The following AUTS2 variants were observed in gnomAD, a reference collection of about 807,000 sequenced individuals.
AUTS2 encodes the protein autism susceptibility gene 2 protein.
In AUTS2, 17 loss-of-function variants were observed where a neutral mutation model predicts 112.4. The observed-to-expected ratio is 0.15, with a 90% confidence interval of 0.10 to 0.23. AUTS2 has a LOEUF of 0.23. AUTS2 is among the 10% of genes least tolerant of loss of function. AUTS2 has a pLI of 1.00. For synonymous variants in AUTS2, 751 were observed against 702.7 expected (o/e 1.07, Z -1.09); for missense variants, 1,510 against 1,701.6 (o/e 0.89, Z 1.98).
chr7:70,362,735 A>G (rs1044136481), intron 4 of AUTS2, among the ~76,000 whole-genome samples: 2 of 152,036 alleles, frequency 1.3e-5, no homozygotes, highest in Non-Finnish European at 2.9e-5. Context: ...AAATATCAAC[A>G]TTGTACATTC....
Position 70,515,837 on chromosome 7 carries a change from C to A in AUTS2, c.690+80056C>A, listed in dbSNP as rs370723987. On this transcript the variant is annotated intron_variant, in intron 5 of 18. Coordinates refer to ENST00000342771, the MANE Select transcript of AUTS2 (RefSeq NM_015570.4). ...TGTTAAGAGGAAACTGTTAAGAGAC[C>A]AGTTTCTGACAGGCAATGCATTTTA... Among the ~76,000 whole-genome samples the A allele has an allele frequency of 5.7e-4, 87 of 152,088 alleles. No individual in the cohort carries two copies. The East Asian group carries it at 9.7e-3, about 17-fold the overall frequency.
intron 2 of AUTS2, among the ~76,000 whole-genome samples, chr7:70,048,313 A>G (rs1289074485): frequency 2.0e-5 from 3 of 152,176 alleles, no homozygotes; most frequent in Non-Finnish European, 2.9e-5. Flanking sequence ...TTTGCAAGGC[A>G]TGGCTCCTCT....
intron 1 of AUTS2, among the ~76,000 whole-genome samples, chr7:69,669,808 G>A (rs1010567089): frequency 4.0e-5 from 6 of 151,788 alleles, no homozygotes; most frequent in Admixed American, 2.6e-4. Context: ...CTTCATACTC[G>A]ATTGTTCTCT....
intron 4 of AUTS2, among the ~76,000 whole-genome samples, chr7:70,229,695 G>C (rs148154878): frequency 3.7e-4 from 57 of 152,070 alleles, no homozygotes; most frequent in African/African-American, 1.3e-3. Context: ...TCTCCATTAT[G>C]TGTGTGTTTG....
At chr7:70,767,103 TAG>T (rs1456954537) in intron 9 of AUTS2, among the ~76,000 whole-genome samples, 2 of 152,288 alleles carry the variant, frequency 1.3e-5, no homozygotes, top group African/African-American at 2.4e-5. Context: ...CAGTGAGTAT[TAG>T]AGTCATTTTT....
chr7:70,506,677 G>A (rs929514601), intron 5 of AUTS2, among the ~76,000 whole-genome samples: 1 of 152,204 alleles, frequency 6.6e-6, no homozygotes, highest in Non-Finnish European at 1.5e-5. Flanking sequence ...CTCTGGAGAG[G>A]GCAGCCAGCA....
At chr7:70,034,531 T>C (rs972850114) in intron 2 of AUTS2, among the ~76,000 whole-genome samples, 6 of 152,228 alleles carry the variant, frequency 3.9e-5, no homozygotes, top group African/African-American at 1.4e-4. Flanking sequence ...GTCAACATTA[T>C]GATTGCAATA....
intron 5 of AUTS2, among the ~76,000 whole-genome samples, chr7:70,679,495 G>C (rs1808095084): frequency 6.6e-6 from 1 of 151,854 alleles, no homozygotes; most frequent in African/African-American, 2.4e-5. Flanking sequence ...TTTAAATCCT[G>C]ATATTGTGTG....
At chr7:69,882,150 CAAAAAAAA>C (rs57238970) in intron 1 of AUTS2, among the ~76,000 whole-genome samples, 19 of 57,132 alleles carry the variant, frequency 3.3e-4, no homozygotes, top group African/African-American at 8.8e-4. Context: ...AACTCTGTCT[CAAAAAAAA>C]AAAAAAAAAA....
At chr7:70,782,593 C>G (rs192181218) in intron 15 of AUTS2, 2 of 152,286 alleles carry the variant, frequency 1.3e-5, no homozygotes, top group East Asian at 3.9e-4. Context: ...TAATTTCTGG[C>G]ACACAGAGCT....
At chr7:70,616,244 A>G (rs546163878) in intron 5 of AUTS2, among the ~76,000 whole-genome samples, 101 of 152,198 alleles carry the variant, frequency 6.6e-4, no homozygotes, top group Admixed American at 5.2e-4. Context: ...AAACTCTTAC[A>G]CAGGGGTCTT....
rs184324939 is a variant in AUTS2, at chr7:69,797,776, A to G, written c.310-101510A>G. On this transcript the variant is annotated intron_variant, in intron 1 of 18. Coordinates refer to ENST00000342771, the MANE Select transcript of AUTS2 (RefSeq NM_015570.4). ...TTTAAAAAAAGAAACAGGGAGGTAAAACAAATCCCAAAACATTTTTTTTCC... is the reference window on the plus strand; with the variant it reads ...TTTAAAAAAAGAAACAGGGAGGTAAGACAAATCCCAAAACATTTTTTTTCC... Among the ~76,000 whole-genome samples the G allele has an allele frequency of 6.1e-3, 923 of 152,314 alleles. 9 individuals carry two copies. The highest frequency in any genetic ancestry group is 0.02 in the African/African-American group (845 of 41,568).
At chr7:70,628,178 A>G (rs1451682707) in intron 5 of AUTS2, among the ~76,000 whole-genome samples, 1 of 152,168 alleles carries the variant, frequency 6.6e-6, no homozygotes, top group Non-Finnish European at 1.5e-5. Flanking sequence ...CAAAGAGGTA[A>G]GCAGAGGCCA....
At chr7:69,743,872 C>T (rs1370763288) in intron 1 of AUTS2, among the ~76,000 whole-genome samples, 1 of 152,150 alleles carries the variant, frequency 6.6e-6, no homozygotes, top group African/African-American at 2.4e-5. Context: ...TCATAGCTCA[C>T]TATAACTTGG....
intron 4 of AUTS2, among the ~76,000 whole-genome samples, chr7:70,186,041 C>T (rs1256119848): frequency 2.6e-5 from 4 of 152,098 alleles, no homozygotes; most frequent in African/African-American, 7.2e-5. Flanking sequence ...TTAGTGTGGC[C>T]TGGAGCTTAC....
intron 2 of AUTS2, among the ~76,000 whole-genome samples, chr7:70,017,273 G>A (rs974630051): frequency 3.9e-5 from 6 of 152,034 alleles, no homozygotes; most frequent in African/African-American, 1.2e-4. Flanking sequence ...TTTCTTTTTC[G>A]GGGAAGACAG....
intron 1 of AUTS2, among the ~76,000 whole-genome samples, chr7:69,705,665 A>G (rs952056763): frequency 2.6e-5 from 4 of 152,218 alleles, no homozygotes; most frequent in South Asian, 4.1e-4. Flanking sequence ...GCTTATTTTT[A>G]TAAGAGTTTA....
chr7:69,989,442 G>A (rs1264965427), intron 2 of AUTS2, among the ~76,000 whole-genome samples: 1 of 152,090 alleles, frequency 6.6e-6, no homozygotes, highest in Non-Finnish European at 1.5e-5. Flanking sequence ...GCTTTTTAGA[G>A]CACCTATTAG....
At chr7:70,487,228 C>T (rs528183259) in intron 5 of AUTS2, among the ~76,000 whole-genome samples, 9 of 151,518 alleles carry the variant, frequency 5.9e-5, no homozygotes, top group Non-Finnish European at 1.0e-4. Flanking sequence ...TTTCCTCCCC[C>T]GCGCCCCCCT....
Sources: gnomAD v4.1 joint callset for allele counts (sites outside exome capture counted in the v4.1 genomes callset) on GRCh38, gnomAD v4.1.1 for gene constraint, MANE v1.5 for transcripts, NCBI Gene and HGNC (gene_info 2026-07-23, HGNC 2026-07-21) for gene names.